The following CHAF1A variants were observed in gnomAD, a reference collection of about 807,000 sequenced individuals.
CHAF1A encodes CAF-1 subunit A.
A neutral mutation model predicts 93.2 loss-of-function variants in CHAF1A; 5 were observed. The ratio of observed to expected loss-of-function variants is 0.05; its 90% CI spans 0.03 to 0.11. The LOEUF is 0.11. Among genes scored for constraint, CHAF1A ranks in the 10% least tolerant of loss-of-function variants. The pLI, the probability that CHAF1A is intolerant of heterozygous loss-of-function variation, is 1.00. For synonymous variants in CHAF1A, 504 were observed against 510.3 expected, an observed-to-expected ratio of 0.99 and a Z score of 0.17; for missense variants, 1,102 against 1,259.9, an observed-to-expected ratio of 0.87 and a Z score of 1.90.
chr19:4,449,425 C>A (rs1464559169), downstream of CHAF1A: 1 of 152,464 alleles, frequency 6.6e-6, no homozygotes, highest in Admixed American at 6.5e-5. Context: ...AGCCGGGGCT[C>A]ATGCCAACTG....
intron 3 of CHAF1A, among the ~76,000 whole-genome samples, chr19:4,411,824 C>CT (rs1392761204): frequency 1.3e-5 from 2 of 150,898 alleles, no homozygotes; most frequent in Non-Finnish European, 3.0e-5. Flanking sequence ...ATTTTTGTAT[C>CT]TTTTCAGTAG....
chr19:4,447,496 G>C, downstream of CHAF1A: 1 of 1,601,380 alleles, frequency 6.2e-7, no homozygotes, highest in Non-Finnish European at 8.5e-7. Flanking sequence ...GGCTCCTGCA[G>C]GCCAGCTGCC....
chr19:4,446,495 C>T, downstream of CHAF1A: 1 of 1,604,170 alleles, frequency 6.2e-7, no homozygotes, highest in Non-Finnish European at 8.5e-7. Context: ...GGACGTCAGG[C>T]CCACCTGAGC....
downstream of CHAF1A, chr19:4,445,795 C>G (rs1974498302): frequency 8.4e-6 from 10 of 1,188,260 alleles, no homozygotes; most frequent in South Asian, 1.1e-4. Flanking sequence ...ACTCCAGGAC[C>G]TAAGCCTAAA....
At chr19:4,414,865 A>G (rs1328158147) in intron 3 of CHAF1A, among the ~76,000 whole-genome samples, 1 of 152,114 alleles carries the variant, frequency 6.6e-6, no homozygotes, top group East Asian at 1.9e-4. Context: ...GCTTGGGCCA[A>G]TTGGAGGTTT....
chr19:4,447,101 G>T, downstream of CHAF1A: 1 of 628,452 alleles, frequency 1.6e-6, no homozygotes. Flanking sequence ...TGGGGGCTGT[G>T]GAGTCTCCAA....
At chr19:4,447,259 T>C, downstream of CHAF1A, 1 of 569,898 alleles carries the variant, frequency 1.8e-6, no homozygotes, top group Non-Finnish European at 3.1e-6. Context: ...CTGGTTTGCA[T>C]GAGAAACCTC....
At chr19:4,440,976 T>A (rs1599666231) in intron 13 of CHAF1A, among the ~76,000 whole-genome samples, 1 of 139,490 alleles carries the variant, frequency 7.2e-6, no homozygotes, top group South Asian at 2.3e-4. Context: ...AAAGATTAGC[T>A]GGGCGTAGTG....
chr19:4,442,866 T>TC, intron 14 of CHAF1A, 59 bp from the exon 15 acceptor site: 1 of 1,312,338 alleles, frequency 7.6e-7, no homozygotes, highest in Non-Finnish European at 1.0e-6. Context: ...GGTGGGGTCT[T>TC]CCCCCAGGGA....
chr19:4,445,500 A>G, downstream of CHAF1A: 1 of 1,613,700 alleles, frequency 6.2e-7, no homozygotes, highest in South Asian at 1.1e-5. Context: ...CTTTTATTTC[A>G]CAAGAGCTTC....
chr19:4,412,739 C>G (rs1973828996), intron 3 of CHAF1A, among the ~76,000 whole-genome samples: 1 of 152,212 alleles, frequency 6.6e-6, no homozygotes. Flanking sequence ...GACGCTAGAT[C>G]TTGTTCTGAA....
chr19:4,443,758 G>C (rs1232145636), downstream of CHAF1A, among the ~76,000 whole-genome samples: 1 of 152,164 alleles, frequency 6.6e-6, no homozygotes, highest in Non-Finnish European at 1.5e-5. Context: ...TTTTGCGAGT[G>C]CTGGAGCTAG....
chr19:4,429,305 C>G (rs976462683), intron 8 of CHAF1A, 133 bp from the exon 9 acceptor site: 2 of 1,006,394 alleles, frequency 2.0e-6, no homozygotes, highest in South Asian at 1.7e-5. Context: ...TCTTTGGGGA[C>G]AGGCAGTGCT....
At chr19:4,429,150 C>A in intron 8 of CHAF1A, 1 of 593,654 alleles carries the variant, frequency 1.7e-6, no homozygotes, top group South Asian at 2.1e-5. Context: ...AGGATACCCC[C>A]CAACACCTCG....
At chr19:4,424,946 T>C (rs1974054801) in intron 7 of CHAF1A, among the ~76,000 whole-genome samples, 1 of 151,878 alleles carries the variant, frequency 6.6e-6, no homozygotes, top group African/African-American at 2.4e-5. Context: ...AATTTTTTAA[T>C]TTTTTTTTGT....
Position 4,409,228 on chromosome 19 carries a change from C to T in CHAF1A, c.429C>T (p.Ser143=). The change falls in exon 3 of 15, where the codon TCC becomes TCT. Residue 143 remains serine (S), a synonymous_variant. Transcript: ENST00000301280. ...HNKLNSEASP[S]REAINGQRED... is the part of the protein sequence containing the mutation. ...AACTAAATTCTGAAGCCTCTCCCTC[C>T]AGGGAGGCAATAAATGGCCAGCGAG... The T allele has an allele frequency of 1.2e-6, 2 of 1,614,168 alleles. No individual in the cohort carries two copies. The highest frequency in any genetic ancestry group is 1.3e-5 in the African/African-American group (1 of 75,044).
chr19:4,436,074 G>A (rs905034329), intron 13 of CHAF1A, among the ~76,000 whole-genome samples: 2 of 152,000 alleles, frequency 1.3e-5, no homozygotes, highest in Non-Finnish European at 2.9e-5. Context: ...AGGAGGTGGA[G>A]GTTGCAGTGA....
chr19:4,409,774 T>C lies in CHAF1A; in HGVS notation c.960+15T>C, dbSNP rs1167337482. 1 of 1,592,622 alleles carries C rather than the reference T, an allele frequency of 6.3e-7. No homozygotes were observed. The highest frequency in any genetic ancestry group is 1.1e-5 in the South Asian group (1 of 88,578). ...CCCTCCGCAGAGTGAGTATCTCCCA[T>C]GGAGTCCCTGCACATCAGTGCTCAC... On this transcript the variant is annotated intron_variant, in intron 3 of 14. Transcript: ENST00000301280.
rs539425300 is a variant in CHAF1A at position 4,415,382 on chromosome 19, G to C, written c.961-2638G>C. On this transcript the variant is annotated intron_variant, in intron 3 of 14. Coordinates refer to ENST00000301280, the MANE Select transcript of CHAF1A (RefSeq NM_005483.3). ...GTTATCTCTGGACTCACAGCAGAGG[G>C]GGGGCATTGTAAGAGGCAGGAGATT... is the stretch of plus-strand genomic sequence containing the variant. 2.0e-5 allele frequency among the ~76,000 whole-genome samples: 3 copies of C among 152,290 alleles called. 1 individual carries two copies. The highest frequency in any genetic ancestry group is 3.9e-4 in the East Asian group (2 of 5,182).
Sources: gnomAD v4.1 joint callset for allele counts (sites outside exome capture counted in the v4.1 genomes callset) on GRCh38, gnomAD v4.1.1 for gene constraint, MANE v1.5 for transcripts, NCBI Gene and HGNC (gene_info 2026-07-23, HGNC 2026-07-21) for gene names.